Variants in FAM168B observed in about 807,000 individuals in gnomAD.
The protein encoded by FAM168B is family with sequence similarity 168 member B, also known as myelin-associated neurite-outgrowth inhibitor.
A neutral mutation model predicts 21.8 loss-of-function variants in FAM168B; 19 were observed. The ratio of observed to expected loss-of-function variants is 0.87; its 90% CI spans 0.61 to 1.28. The LOEUF (loss-of-function observed/expected upper bound fraction) is 1.28, where lower values mean the gene tolerates loss of function less well. Among genes scored for constraint, FAM168B ranks in the 50% most tolerant of loss-of-function variants. The pLI is 0.00. For synonymous variants in FAM168B, 126 were observed against 104.8 expected (o/e 1.20, Z -1.24); for missense variants, 233 against 263.1 (o/e 0.89, Z 0.79).
rs1455901921 is a variant in FAM168B, at chr2:131,051,358, T to A, written c.*1107A>T. 1 of 985,256 alleles carries A rather than the reference T, an allele frequency of 1.0e-6. No individual in the cohort carries two copies. The highest frequency in any genetic ancestry group is 1.1e-4 in the East Asian group (1 of 8,814). The allele number at this position is 985,256 out of a possible 1,614,324, so 61.0% of individuals were successfully genotyped here. On this transcript the variant is annotated 3_prime_UTR_variant, in exon 7 of 7. Coordinates refer to ENST00000389915, the MANE Select transcript of FAM168B (RefSeq NM_001009993.4). ...GGAGGAATTTTAAATAAAGTTTTGT[T>A]CCCTTTTAACTCATTCTTAAATATA... is the stretch of plus-strand genomic sequence containing the variant.
At chr2:131,058,188 C>T (rs1692119730) in intron 3 of FAM168B, among the ~76,000 whole-genome samples, 1 of 152,116 alleles carries the variant, frequency 6.6e-6, no homozygotes, top group Admixed American at 6.6e-5. Context: ...GATTGGCCCC[C>T]TGGGAAATTC....
Position 131,051,882 on chromosome 2 carries a change from G to T in FAM168B, c.*583C>A. On this transcript the variant is annotated 3_prime_UTR_variant, in exon 7 of 7. Coordinates refer to ENST00000389915, the MANE Select transcript of FAM168B (RefSeq NM_001009993.4). ...TCCCAAACCTCGCAACTCCCTCCCA[G>T]GACAGTCAGTGCCAAAGAAACAGGT... 1.0e-6 allele frequency: 1 copy of T among 985,386 alleles called. No homozygotes were observed. Among genetic ancestry groups the T allele is most frequent in the African/African-American group, 1.7e-5 (1 of 57,328 alleles). 61.0% of individuals were successfully genotyped at this position (985,386 alleles called of 1,614,324 possible). A position where few individuals can be genotyped will look rare whatever the true frequency, so the allele number is the denominator to read the frequency against.
rs10201624 is a variant in FAM168B at position 131,050,896 on chromosome 2, G to C, written c.*1569C>G. 1.8e-3 allele frequency: 1,745 copies of C among 985,778 alleles called. 28 individuals are homozygous for C. The African/African-American group carries it at 0.029, about 16-fold the overall frequency. 61.1% of individuals were successfully genotyped at this position (985,778 alleles called of 1,614,324 possible). A position where few individuals can be genotyped will look rare whatever the true frequency, so the allele number is the denominator to read the frequency against. The stretch of plus-strand genomic sequence containing the variant: ...GCACGCTCCTGCCCTAGAGGCCGCT[G>C]AAAGGGACCCAGGCCTTACATCCCC... On this transcript the variant is annotated 3_prime_UTR_variant, in exon 7 of 7. Transcript: ENST00000389915.
intron 1 of FAM168B, among the ~76,000 whole-genome samples, chr2:131,087,983 T>C (rs1351713105): frequency 1.3e-5 from 2 of 152,122 alleles, no homozygotes; most frequent in Non-Finnish European, 2.9e-5. Context: ...CAGTGGCTCA[T>C]CCCTGTAATC....
chr2:131,090,169 A>T (rs1234754326), intron 1 of FAM168B, among the ~76,000 whole-genome samples: 2 of 150,312 alleles, frequency 1.3e-5, no homozygotes, highest in East Asian at 3.9e-4. Flanking sequence ...AAAAAAAAAA[A>T]AATTATCCAG....
chr2:131,077,608 G>A (rs1284196825), intron 2 of FAM168B, among the ~76,000 whole-genome samples: 1 of 152,232 alleles, frequency 6.6e-6, no homozygotes, highest in African/African-American at 2.4e-5. Flanking sequence ...CTACAGCCTT[G>A]TTGACCTGGG....
At position 131,083,878 on chromosome 2, in the gene FAM168B, T is replaced by G. The variant is rs534212068; in HGVS notation, c.-11-1221A>C. On this transcript the variant is annotated intron_variant, in intron 1 of 6. Transcript: ENST00000389915. The stretch of plus-strand genomic sequence containing the variant: ...GTGGTCCTTTTGCAATTTCCTGTAT[T>G]TATTTATTTATTTATTTATTTATTT... Among the ~76,000 whole-genome samples, 20 of 73,726 alleles carry G rather than the reference T, an allele frequency of 2.7e-4. No homozygotes were observed. In the South Asian group the frequency reaches 4.1e-3, roughly 15 times the overall value. The allele number at this position is 73,726 out of a possible 152,430, so 48.4% of individuals were successfully genotyped here.
chr2:131,080,209 A>G (rs965425704), intron 2 of FAM168B, among the ~76,000 whole-genome samples: 11 of 152,204 alleles, frequency 7.2e-5, no homozygotes, highest in Non-Finnish European at 1.3e-4. Context: ...AGAGCACCAA[A>G]AACAGTAAAT....
intron 1 of FAM168B, among the ~76,000 whole-genome samples, chr2:131,091,612 A>G (rs538213458): frequency 6.6e-6 from 1 of 151,452 alleles, no homozygotes; most frequent in East Asian, 2.0e-4. Flanking sequence ...ACGCCATTGC[A>G]CTCCAGCCTG....
At chr2:131,079,412 T>G (rs1693323341) in intron 2 of FAM168B, among the ~76,000 whole-genome samples, 1 of 152,200 alleles carries the variant, frequency 6.6e-6, no homozygotes, top group Non-Finnish European at 1.5e-5. Context: ...GAGGCAGATG[T>G]TGCAGAGAGC....
At position 131,091,604 on chromosome 2, in the gene FAM168B, G is replaced by A. The variant is rs954132461; in HGVS notation, c.-12+1610C>T. 2.7e-5 allele frequency among the ~76,000 whole-genome samples: 4 copies of A among 145,836 alleles called. No individual in the cohort carries two copies. The South Asian group carries it at 6.6e-4, about 24-fold the overall frequency. On this transcript the variant is annotated intron_variant, in intron 1 of 6. Transcript: ENST00000389915. Reference sequence around the variant, plus strand: ...GGAGGTTGCAGTGAGCCGAGATCACGCCATTGCACTCCAGCCTGGGCGACA... The same window carrying A: ...GGAGGTTGCAGTGAGCCGAGATCACACCATTGCACTCCAGCCTGGGCGACA...
intron 2 of FAM168B, among the ~76,000 whole-genome samples, chr2:131,078,154 T>C (rs1007835935): frequency 7.9e-5 from 12 of 152,110 alleles, no homozygotes; most frequent in Non-Finnish European, 1.2e-4. Context: ...GACAGGACCA[T>C]GTGACGGAAA....
chr2:131,065,940 TTAA>T (rs1198301001), intron 3 of FAM168B, among the ~76,000 whole-genome samples: 2 of 152,152 alleles, frequency 1.3e-5, no homozygotes, highest in Admixed American at 1.3e-4. Context: ...CACTTCGTAA[TTAA>T]ATGCATGTGT....
Position 131,050,766 on chromosome 2 carries a change from T to C in FAM168B, c.*1699A>G, listed in dbSNP as rs1691615853. Reference sequence around the variant, plus strand: ...GCAGAATGCTAGTGGGCATCCTCACTGGGCGCCAGTGCCCTGACCCAGCTA... The same window carrying C: ...GCAGAATGCTAGTGGGCATCCTCACCGGGCGCCAGTGCCCTGACCCAGCTA... On this transcript the variant is annotated 3_prime_UTR_variant, in exon 7 of 7. Transcript: ENST00000389915. 9 of 985,378 alleles carry C rather than the reference T, an allele frequency of 9.1e-6. No homozygotes were observed. Among genetic ancestry groups the C allele is most frequent in the Non-Finnish European group, 1.1e-5 (9 of 829,920 alleles). The allele number at this position is 985,378 out of a possible 1,614,324, so 61.0% of individuals were successfully genotyped here.
At chr2:131,066,161 CTT>C (rs762218220) in intron 3 of FAM168B, among the ~76,000 whole-genome samples, 21 of 138,276 alleles carry the variant, frequency 1.5e-4, no homozygotes, top group Admixed American at 3.7e-4. Flanking sequence ...ACATTTGTAT[CTT>C]TTTTTTTTTT....
intron 2 of FAM168B, among the ~76,000 whole-genome samples, chr2:131,073,278 A>G (rs1692972902): frequency 6.6e-6 from 1 of 152,006 alleles, no homozygotes; most frequent in Non-Finnish European, 1.5e-5. Context: ...TTTTTAGTAG[A>G]GATGGGGTTT....
At chr2:131,064,966 C>G (rs1277154255) in intron 3 of FAM168B, among the ~76,000 whole-genome samples, 1 of 152,170 alleles carries the variant, frequency 6.6e-6, no homozygotes, top group Non-Finnish European at 1.5e-5. Flanking sequence ...AGTATTAATT[C>G]CAGGGACACC....
At chr2:131,083,134 T>C (rs1558992790) in intron 1 of FAM168B, among the ~76,000 whole-genome samples, 1 of 151,998 alleles carries the variant, frequency 6.6e-6, no homozygotes, top group Non-Finnish European at 1.5e-5. Flanking sequence ...GGTGGAGGAA[T>C]CATGAGGTCA....
At chr2:131,090,273 C>G (rs1044208711) in intron 1 of FAM168B, among the ~76,000 whole-genome samples, 17 of 148,334 alleles carry the variant, frequency 1.1e-4, no homozygotes, top group African/African-American at 3.5e-4. Flanking sequence ...GAGCCCAGAC[C>G]GTGCCACTGC....
Sources: gnomAD v4.1 joint callset for allele counts (sites outside exome capture counted in the v4.1 genomes callset) on GRCh38, gnomAD v4.1.1 for gene constraint, MANE v1.5 for transcripts, NCBI Gene and HGNC (gene_info 2026-07-23, HGNC 2026-07-21) for gene names.